The following AGPS variants were observed in gnomAD, a reference collection of about 807,000 sequenced individuals.
AGPS encodes the protein alkyldihydroxyacetonephosphate synthase, peroxisomal.
AGPS carries 26 observed loss-of-function variants against 90.7 expected under a neutral mutation model. That is an observed-to-expected ratio of 0.29 (90% CI 0.21 to 0.40). AGPS has a LOEUF of 0.40. Ranked by LOEUF, AGPS falls within the 10% of genes least tolerant of loss-of-function variation. The pLI is 1.00. For missense variants in AGPS, 540 were observed against 816.1 expected (o/e 0.66, Z 4.12); for synonymous variants, 294 against 285.3 (o/e 1.03, Z -0.31).
chr2:177,437,495 T>C (rs960634666), intron 5 of AGPS, among the ~76,000 whole-genome samples: 1 of 152,176 alleles, frequency 6.6e-6, no homozygotes, highest in Non-Finnish European at 1.5e-5. Flanking sequence ...ATGCATGCTA[T>C]GTTTAAAATG....
chr2:177,539,669 A>G lies in AGPS; in HGVS notation c.*1474A>G, dbSNP rs1341573533. ...AGTAGCCTTAACCAGAAAAATGGTA[A>G]TTTAAAATTGACAAAATGATATTTT... On this transcript the variant is annotated 3_prime_UTR_variant, in exon 20 of 20. Coordinates refer to ENST00000264167, the MANE Select transcript of AGPS (RefSeq NM_003659.4). 6.6e-6 allele frequency: 1 copy of G among 152,036 alleles called. No homozygotes were observed. Among genetic ancestry groups the G allele is most frequent in the African/African-American group, 2.4e-5 (1 of 41,440 alleles). 9.4% of individuals were successfully genotyped at this position (152,036 alleles called of 1,614,324 possible). A position where few individuals can be genotyped will look rare whatever the true frequency, so the allele number is the denominator to read the frequency against.
intron 2 of AGPS, among the ~76,000 whole-genome samples, chr2:177,425,447 CCT>C (rs1196019483): frequency 6.6e-6 from 1 of 151,656 alleles, no homozygotes; most frequent in Non-Finnish European, 1.5e-5. Flanking sequence ...ATGGAGAAAC[CCT>C]GTCTCTACTA....
At chr2:177,474,648 GC>G in intron 10 of AGPS, among the ~76,000 whole-genome samples, 2 of 152,294 alleles carry the variant, frequency 1.3e-5, no homozygotes, top group South Asian at 4.1e-4. Flanking sequence ...TCCCTTATCT[GC>G]CTCCTGTATC....
chr2:177,542,268 T>C lies in AGPS; in HGVS notation c.*4073T>C, dbSNP rs1165143406. 2 of 152,184 alleles carry C rather than the reference T, an allele frequency of 1.3e-5. No homozygotes were observed. Among genetic ancestry groups the C allele is most frequent in the Non-Finnish European group, 2.9e-5 (2 of 68,014 alleles). 9.4% of individuals were successfully genotyped at this position (152,184 alleles called of 1,614,324 possible). A position where few individuals can be genotyped will look rare whatever the true frequency, so the allele number is the denominator to read the frequency against. ...TGAGGATATTGTTAGCTAGGTTTTG[T>C]CAATCCCTAATCATTTTTTAAAATC... On this transcript the variant is annotated 3_prime_UTR_variant, in exon 20 of 20. Coordinates refer to ENST00000264167, the MANE Select transcript of AGPS (RefSeq NM_003659.4).
intron 10 of AGPS, among the ~76,000 whole-genome samples, chr2:177,473,085 A>G (rs1687677397): frequency 6.6e-6 from 1 of 152,074 alleles, no homozygotes; most frequent in African/African-American, 2.4e-5. Flanking sequence ...TTTACTTTTC[A>G]TACTTATAAG....
At chr2:177,405,646 G>A (rs1685445963) in intron 1 of AGPS, among the ~76,000 whole-genome samples, 1 of 147,674 alleles carries the variant, frequency 6.8e-6, no homozygotes, top group Admixed American at 6.7e-5. Context: ...TCTCTTCTTA[G>A]CTTCCATGTT....
At chr2:177,406,572 C>T (rs1038208831) in intron 1 of AGPS, among the ~76,000 whole-genome samples, 5 of 152,164 alleles carry the variant, frequency 3.3e-5, no homozygotes, top group Admixed American at 1.3e-4. Flanking sequence ...TGTCTGGGAA[C>T]AGCTGTTAAA....
intron 18 of AGPS, among the ~76,000 whole-genome samples, chr2:177,522,420 G>A (rs1373400634): frequency 6.6e-6 from 1 of 152,056 alleles, no homozygotes; most frequent in Non-Finnish European, 1.5e-5. Flanking sequence ...GCAGGGGAGG[G>A]CATATGTATG....
intron 7 of AGPS, among the ~76,000 whole-genome samples, chr2:177,444,324 G>A (rs1193254287): frequency 6.6e-6 from 1 of 151,570 alleles, no homozygotes; most frequent in Non-Finnish European, 1.5e-5. Context: ...AGGAGGCTGA[G>A]GCAGGAGAAT....
intron 14 of AGPS, among the ~76,000 whole-genome samples, chr2:177,503,444 T>C (rs916330368): frequency 6.6e-6 from 1 of 152,216 alleles, no homozygotes. Context: ...TATAAAAAGA[T>C]TGTCTCTCAT....
chr2:177,449,991 C>G (rs544259162), intron 8 of AGPS, among the ~76,000 whole-genome samples: 16 of 152,164 alleles, frequency 1.1e-4, no homozygotes, highest in African/African-American at 3.9e-4. Context: ...GCGCCCACCA[C>G]CATGCCTGGC....
At chr2:177,536,151 G>A (rs1186318057) in intron 19 of AGPS, among the ~76,000 whole-genome samples, 3 of 152,150 alleles carry the variant, frequency 2.0e-5, no homozygotes, top group Admixed American at 1.3e-4. Context: ...TACTAGAGGT[G>A]TAAAACCAGG....
chr2:177,404,082 T>C (rs544580067), intron 1 of AGPS, among the ~76,000 whole-genome samples: 2 of 152,282 alleles, frequency 1.3e-5, no homozygotes, highest in African/African-American at 2.4e-5. Context: ...TAATAAAAAA[T>C]TGAAAATCAT....
intron 11 of AGPS, 101 bp from the exon 12 acceptor site, chr2:177,493,047 C>T: frequency 1.9e-6 from 2 of 1,074,696 alleles, no homozygotes; most frequent in Non-Finnish European, 1.4e-6. Flanking sequence ...AGGAACTAAG[C>T]TCTTGATCTC....
intron 18 of AGPS, among the ~76,000 whole-genome samples, chr2:177,523,419 A>G (rs537613446): frequency 6.6e-6 from 1 of 152,360 alleles, no homozygotes; most frequent in Admixed American, 6.5e-5. Context: ...GATGTTCGTT[A>G]CTAAGTAGAA....
intron 1 of AGPS, among the ~76,000 whole-genome samples, chr2:177,412,830 C>T (rs1253213187): frequency 1.3e-5 from 2 of 152,042 alleles, no homozygotes; most frequent in Non-Finnish European, 2.9e-5. Flanking sequence ...GGAACAGAAC[C>T]GTGGAACCCA....
intron 14 of AGPS, among the ~76,000 whole-genome samples, chr2:177,503,948 G>C (rs1024805502): frequency 2.0e-5 from 3 of 151,884 alleles, no homozygotes; most frequent in African/African-American, 7.3e-5. Flanking sequence ...ATTAGAAGAG[G>C]GTCTAAAGAA....
intron 1 of AGPS, among the ~76,000 whole-genome samples, chr2:177,395,141 A>G (rs1394601933): frequency 6.6e-6 from 1 of 152,236 alleles, no homozygotes; most frequent in Admixed American, 6.5e-5. Flanking sequence ...TTGTATGCAT[A>G]TATGTGATTG....
Position 177,507,989 on chromosome 2 carries a change from ATG to A in AGPS, c.1567_1568del (p.Val523IlefsTer6), listed in dbSNP as rs1559077288. The A allele has an allele frequency of 6.2e-7, 1 of 1,613,024 alleles. No homozygotes were observed. Among genetic ancestry groups the A allele is most frequent in the Non-Finnish European group, 8.5e-7 (1 of 1,179,050 alleles). ...TAATAGGACTTGGCTTTGGAATACT[ATG>A]TATTAGGAGAATCTTTTGAGACTTC... is the stretch of plus-strand genomic sequence containing the variant. On this transcript the variant is annotated frameshift_variant, in exon 16 of 20. Coordinates refer to ENST00000264167, the MANE Select transcript of AGPS (RefSeq NM_003659.4). LOFTEE classifies it high-confidence loss of function.
Sources: allele counts gnomAD v4.1 joint callset (sites outside exome capture counted in the v4.1 genomes callset), GRCh38; gene constraint gnomAD v4.1.1; transcripts MANE v1.5; gene names NCBI Gene and HGNC (gene_info 2026-07-23, HGNC 2026-07-21).